DOCK3: variants seen among roughly 807,000 people sequenced by gnomAD.
The protein encoded by DOCK3 is dedicator of cytokinesis 3.
A neutral mutation model predicts 265.6 loss-of-function variants in DOCK3; 60 were observed. The ratio of observed to expected loss-of-function variants is 0.23; its 90% CI spans 0.18 to 0.28. DOCK3 has a LOEUF of 0.28. Ranked by LOEUF, DOCK3 falls within the 10% of genes least tolerant of loss-of-function variation. The pLI is 1.00. For missense variants in DOCK3, 1,981 were observed against 2,594.3 expected (o/e 0.76, Z 5.14); for synonymous variants, 881 against 938.0 (o/e 0.94, Z 1.11).
chr3:51,156,474 G>A (rs2085857645), intron 10 of DOCK3, among the ~76,000 whole-genome samples: 1 of 152,130 alleles, frequency 6.6e-6, no homozygotes, highest in Non-Finnish European at 1.5e-5. Flanking sequence ...ATATAATGTA[G>A]ATAACCACCC....
chr3:50,791,258 C>CTTTTTTTTTTTTTTTTTTTTTTTTTTTTT (rs34015684), intron 2 of DOCK3, among the ~76,000 whole-genome samples: 1 of 62,782 alleles, frequency 1.6e-5, no homozygotes, highest in Non-Finnish European at 3.0e-5. Context: ...TTAAATCTAT[C>CTTTTTTTTTTTTTTTTTTTTTTTTTTTTT]TTTTTTTTTT....
At chr3:50,839,374 A>G (rs1364193289) in intron 2 of DOCK3, among the ~76,000 whole-genome samples, 1 of 152,202 alleles carries the variant, frequency 6.6e-6, no homozygotes, top group Non-Finnish European at 1.5e-5. Flanking sequence ...ACTCAATCGT[A>G]TGGTAACAAT....
chr3:50,897,016 G>A (rs1198319085), intron 4 of DOCK3, among the ~76,000 whole-genome samples: 2 of 152,122 alleles, frequency 1.3e-5, no homozygotes, highest in African/African-American at 2.4e-5. Flanking sequence ...TTTCTAAACT[G>A]TGAAGAAAGT....
intron 27 of DOCK3, among the ~76,000 whole-genome samples, chr3:51,309,092 T>C (rs1281828124): frequency 6.7e-6 from 1 of 149,740 alleles, no homozygotes; most frequent in East Asian, 2.0e-4. Context: ...CGCTCCTCAC[T>C]TTCCAGACTG....
intron 1 of DOCK3, among the ~76,000 whole-genome samples, chr3:50,733,738 T>C (rs947907740): frequency 1.2e-4 from 19 of 152,176 alleles, no homozygotes; most frequent in African/African-American, 3.9e-4. Flanking sequence ...CATTGATAGG[T>C]ACTTACTGTT....
At chr3:50,755,069 C>T (rs1576341303) in intron 1 of DOCK3, among the ~76,000 whole-genome samples, 2 of 152,296 alleles carry the variant, frequency 1.3e-5, no homozygotes, top group Non-Finnish European at 2.9e-5. Context: ...AGTTCTCATT[C>T]AGAAAAATTT....
At chr3:50,752,354 A>T (rs1160163488) in intron 1 of DOCK3, among the ~76,000 whole-genome samples, 1 of 151,964 alleles carries the variant, frequency 6.6e-6, no homozygotes, top group Non-Finnish European at 1.5e-5. Context: ...ACTAAAAATT[A>T]AAAAATAAGC....
intron 12 of DOCK3, among the ~76,000 whole-genome samples, chr3:51,177,819 C>G (rs2087040928): frequency 6.6e-6 from 1 of 151,930 alleles, no homozygotes; most frequent in Admixed American, 6.6e-5. Context: ...GGTGAAACCC[C>G]CTCTCTACTA....
chr3:51,045,536 A>G (rs2080741579), intron 5 of DOCK3, among the ~76,000 whole-genome samples: 2 of 152,150 alleles, frequency 1.3e-5, no homozygotes, highest in African/African-American at 4.8e-5. Context: ...GAGCTGATAG[A>G]CTCACTTGGC....
rs552029509 is a variant in DOCK3, at chr3:51,320,757, G to C, written c.3402+5629G>C. ...CACCGCAGCTCAGCAAGGCTGCTGCGGCCAGAATGCCTCTCTAGATTCCTC... is the reference window on the plus strand; with the variant it reads ...CACCGCAGCTCAGCAAGGCTGCTGCCGCCAGAATGCCTCTCTAGATTCCTC... On this transcript the variant is annotated intron_variant, in intron 32 of 52. Transcript: ENST00000266037. Among the ~76,000 whole-genome samples, 246 of 152,270 alleles carry C rather than the reference G, an allele frequency of 1.6e-3. 5 individuals carry two copies. Among genetic ancestry groups the C allele is most frequent in the Non-Finnish European group, 7.4e-5 (5 of 68,018 alleles).
chr3:51,078,537 A>G (rs1200202210), intron 7 of DOCK3, among the ~76,000 whole-genome samples: 9 of 152,244 alleles, frequency 5.9e-5, no homozygotes, highest in Non-Finnish European at 1.2e-4. Flanking sequence ...TAAAACTTCC[A>G]AAGAACAAAA....
At chr3:50,850,221 A>G (rs1575352513) in intron 3 of DOCK3, among the ~76,000 whole-genome samples, 1 of 151,976 alleles carries the variant, frequency 6.6e-6, no homozygotes, top group African/African-American at 2.4e-5. Context: ...ATTAGTCGGC[A>G]TGGTGGCACG....
At chr3:51,241,321 G>A (rs1431305968) in intron 21 of DOCK3, among the ~76,000 whole-genome samples, 6 of 152,156 alleles carry the variant, frequency 3.9e-5, no homozygotes, top group Admixed American at 3.9e-4. Flanking sequence ...CTTTGTAGGT[G>A]ACCTGATCCT....
intron 3 of DOCK3, among the ~76,000 whole-genome samples, chr3:50,885,775 T>TAGTA (rs1047584548): frequency 1.3e-5 from 2 of 152,100 alleles, no homozygotes; most frequent in African/African-American, 4.8e-5. Context: ...CCTCTTACGT[T>TAGTA]ACCCCAATGT....
intron 1 of DOCK3, among the ~76,000 whole-genome samples, chr3:50,745,876 T>C (rs1023030552): frequency 2.0e-5 from 3 of 152,236 alleles, no homozygotes; most frequent in African/African-American, 7.2e-5. Flanking sequence ...TTATTCCAGT[T>C]TCCTGTTTGT....
intron 37 of DOCK3, 32 bp downstream of exon 37, chr3:51,339,060 C>T (rs1417630258): frequency 1.3e-6 from 2 of 1,514,184 alleles, no homozygotes; most frequent in African/African-American, 1.4e-5. Context: ...CCATGCCTGA[C>T]CATGAGGACA....
At chr3:50,728,771 G>A (rs1443592129) in intron 1 of DOCK3, among the ~76,000 whole-genome samples, 1 of 150,020 alleles carries the variant, frequency 6.7e-6, no homozygotes, top group Non-Finnish European at 1.5e-5. Context: ...TGCCCAGGCT[G>A]GAGTGCAGTG....
At chr3:50,950,774 A>G (rs1473713831) in intron 5 of DOCK3, among the ~76,000 whole-genome samples, 1 of 152,184 alleles carries the variant, frequency 6.6e-6, no homozygotes, top group Non-Finnish European at 1.5e-5. Flanking sequence ...TCACAGGGCA[A>G]GTGGAAATCT....
At chr3:50,960,994 A>G (rs1031883046) in intron 5 of DOCK3, among the ~76,000 whole-genome samples, 1 of 152,176 alleles carries the variant, frequency 6.6e-6, no homozygotes, top group Admixed American at 6.5e-5. Context: ...CCAAAAATAT[A>G]AGGGAAAATT....
Sources: gnomAD v4.1 joint callset for allele counts (sites outside exome capture counted in the v4.1 genomes callset) on GRCh38, gnomAD v4.1.1 for gene constraint, MANE v1.5 for transcripts, NCBI Gene and HGNC (gene_info 2026-07-23, HGNC 2026-07-21) for gene names.